The following QTGAL variants were observed in gnomAD, a reference collection of about 807,000 sequenced individuals.
The protein encoded by QTGAL is queuosine-tRNA galactosyltransferase.
chr17:82,980,863 G>A, the QTGAL span, among the ~76,000 whole-genome samples: 3 of 152,072 alleles, frequency 2.0e-5, no homozygotes, highest in Non-Finnish European at 4.4e-5. Context: ...TTCCCTCCCC[G>A]GAGGTTTGGG....
At chr17:83,037,524 G>A in the QTGAL span, among the ~76,000 whole-genome samples, 8 of 152,228 alleles carry the variant, frequency 5.3e-5, no homozygotes, top group African/African-American at 1.7e-4. This position sits in a 1 kb window ranked among gnomAD's most constrained non-coding sequence, Gnocchi z 5.2. Flanking sequence ...CCGGGGAGGC[G>A]AGCGCCTGTT....
At chr17:83,022,248 C>T in the QTGAL span, among the ~76,000 whole-genome samples, 2 of 152,326 alleles carry the variant, frequency 1.3e-5, no homozygotes, top group African/African-American at 4.8e-5. Flanking sequence ...CCCACGTACA[C>T]CAGTGTGAAC....
the QTGAL span, among the ~76,000 whole-genome samples, chr17:82,951,543 G>C: frequency 6.6e-6 from 1 of 152,158 alleles, no homozygotes; most frequent in African/African-American, 2.4e-5. Context: ...GTTCACTGGA[G>C]GACCACTTTT....
At chr17:82,972,036 AC>A in the QTGAL span, among the ~76,000 whole-genome samples, 1 of 17,422 alleles carries the variant, frequency 5.7e-5, no homozygotes. Context: ...CCTGGTGCCG[AC>A]CACACCACAC....
the QTGAL span, chr17:82,979,266 A>G: frequency 6.6e-6 from 1 of 152,214 alleles, no homozygotes; most frequent in South Asian, 2.1e-4. Context: ...AATACCTAAA[A>G]TGAAAGGGGA....
chr17:83,023,064 T>G, the QTGAL span, among the ~76,000 whole-genome samples: 52 of 55,440 alleles, frequency 9.4e-4, no homozygotes, highest in East Asian at 9.9e-4. Context: ...GAACTCACAT[T>G]AGCTTAGCAC....
chr17:82,990,265 T>C, the QTGAL span, among the ~76,000 whole-genome samples: 1 of 152,266 alleles, frequency 6.6e-6, no homozygotes, highest in African/African-American at 2.4e-5. Context: ...ATACACACAA[T>C]TATTTTGAAG....
At chr17:83,021,192 C>CA in the QTGAL span, among the ~76,000 whole-genome samples, 1 of 152,272 alleles carries the variant, frequency 6.6e-6, no homozygotes, top group South Asian at 2.1e-4. Context: ...CACTTCTGTT[C>CA]AACACTGTAC....
chr17:82,965,956 C>T, the QTGAL span, among the ~76,000 whole-genome samples: 6 of 152,164 alleles, frequency 3.9e-5, no homozygotes, highest in African/African-American at 7.2e-5. Context: ...ACGTGGCTGA[C>T]GTGTCCCTTC....
At chr17:83,029,512 C>T in the QTGAL span, among the ~76,000 whole-genome samples, 2 of 152,050 alleles carry the variant, frequency 1.3e-5, no homozygotes, top group Non-Finnish European at 2.9e-5. Flanking sequence ...GTGAGAAGAC[C>T]GAGCTGGCTC....
At chr17:83,000,786 G>A in the QTGAL span, among the ~76,000 whole-genome samples, 1 of 152,182 alleles carries the variant, frequency 6.6e-6, no homozygotes, top group Admixed American at 6.5e-5. Flanking sequence ...CACACTGTTC[G>A]AGGGTCACCA....
the QTGAL span, among the ~76,000 whole-genome samples, chr17:82,950,462 T>C: frequency 6.6e-6 from 1 of 152,220 alleles, no homozygotes; most frequent in South Asian, 2.1e-4. Flanking sequence ...CTGAAGAGGC[T>C]GTTTCTGAAA....
the QTGAL span, among the ~76,000 whole-genome samples, chr17:83,011,951 T>C: frequency 6.7e-6 from 1 of 148,338 alleles, no homozygotes; most frequent in African/African-American, 2.5e-5. Context: ...ACTCCTCGTA[T>C]CCATAAGTAT....
At chr17:83,032,370 TCCGACCCAGACCGAG>T in the QTGAL span, among the ~76,000 whole-genome samples, 12 of 111,570 alleles carry the variant, frequency 1.1e-4, no homozygotes, top group African/African-American at 4.8e-4. Flanking sequence ...AGGCCAGGCC[TCCGACCCAGACCGAG>T]CTCGGGAGCT....
At chr17:82,965,955 A>G in the QTGAL span, among the ~76,000 whole-genome samples, 2 of 152,012 alleles carry the variant, frequency 1.3e-5, no homozygotes, top group Non-Finnish European at 2.9e-5. Flanking sequence ...GACGTGGCTG[A>G]CGTGTCCCTT....
the QTGAL span, among the ~76,000 whole-genome samples, chr17:83,019,292 C>A: frequency 6.6e-6 from 1 of 151,998 alleles, no homozygotes. Context: ...AATAAAATGG[C>A]CAGTGCGCAA....
At chr17:82,967,622 A>T in the QTGAL span, among the ~76,000 whole-genome samples, 1 of 152,004 alleles carries the variant, frequency 6.6e-6, no homozygotes, top group South Asian at 2.1e-4. Flanking sequence ...ATGAAATACC[A>T]TTGCACCCTC....
chr17:82,972,679 G>A, the QTGAL span, among the ~76,000 whole-genome samples: 1 of 125,414 alleles, frequency 8.0e-6, no homozygotes, highest in Non-Finnish European at 1.6e-5. Flanking sequence ...GAAGGACCCG[G>A]TACTGACCAC....
At chr17:82,956,585 G>A in the QTGAL span, 11 of 1,242,978 alleles carry the variant, frequency 8.8e-6, no homozygotes, top group East Asian at 5.1e-5. This position sits in a 1 kb window ranked among gnomAD's most constrained non-coding sequence, Gnocchi z 5.7. Flanking sequence ...GCCCACCATC[G>A]GCTGGGGTCT....
Sources: allele counts gnomAD v4.1 joint callset (sites outside exome capture counted in the v4.1 genomes callset), GRCh38; gene constraint gnomAD v4.1.1; non-coding constraint Gnocchi (gnomAD v3.1); transcripts MANE v1.5; gene names NCBI Gene and HGNC (gene_info 2026-07-23, HGNC 2026-07-21).